Variants in LRFN2 observed in about 807,000 individuals in gnomAD.
LRFN2 encodes leucine rich repeat and fibronectin type III domain containing 2.
Under a neutral mutation model 37.3 loss-of-function variants are expected in LRFN2, and 18 were observed. That is an observed-to-expected ratio of 0.48 (90% CI 0.33 to 0.72). LRFN2 has a LOEUF of 0.72. Among genes scored for constraint, LRFN2 ranks in the 30% least tolerant of loss-of-function variants. The pLI, the probability that LRFN2 is intolerant of heterozygous loss-of-function variation, is 0.02. For missense variants in LRFN2, 1,006 were observed against 1,060.7 expected, an observed-to-expected ratio of 0.95 and a Z score of 0.72; for synonymous variants, 556 against 466.6, an observed-to-expected ratio of 1.19 and a Z score of -2.47.
intron 2 of LRFN2, among the ~76,000 whole-genome samples, chr6:40,427,323 T>C (rs1763376667): frequency 6.6e-6 from 1 of 152,262 alleles, no homozygotes; most frequent in African/African-American, 2.4e-5. Flanking sequence ...CAGTTTACAT[T>C]TCTCCCTTGT....
chr6:40,555,628 G>T (rs1446949285), intron 1 of LRFN2, among the ~76,000 whole-genome samples: 1 of 152,096 alleles, frequency 6.6e-6, no homozygotes. Flanking sequence ...CCACATCCTT[G>T]CTTGCATTCA....
chr6:40,546,599 T>C (rs992260761), intron 1 of LRFN2, among the ~76,000 whole-genome samples: 1 of 152,174 alleles, frequency 6.6e-6, no homozygotes, highest in Non-Finnish European at 1.5e-5. Context: ...TTCACTGACT[T>C]TGGAGTCCAG....
chr6:40,551,769 G>A (rs565057681), intron 1 of LRFN2, among the ~76,000 whole-genome samples: 42 of 152,314 alleles, frequency 2.8e-4, no homozygotes, highest in African/African-American at 8.4e-4. Context: ...CACAGTGATT[G>A]AAGAATTCAC....
intron 1 of LRFN2, among the ~76,000 whole-genome samples, chr6:40,560,530 T>C (rs1766972637): frequency 6.6e-6 from 1 of 152,206 alleles, no homozygotes; most frequent in Non-Finnish European, 1.5e-5. Context: ...AAATGCTGTC[T>C]GGATCAGCCA....
intron 1 of LRFN2, among the ~76,000 whole-genome samples, chr6:40,505,186 C>G (rs1218051124): frequency 6.6e-6 from 1 of 152,126 alleles, no homozygotes; most frequent in Non-Finnish European, 1.5e-5. Flanking sequence ...TGGGGTCTCC[C>G]GGGATTCTGT....
At chr6:40,466,665 T>C (rs1764475374) in intron 1 of LRFN2, among the ~76,000 whole-genome samples, 1 of 152,138 alleles carries the variant, frequency 6.6e-6, no homozygotes, top group South Asian at 2.1e-4. Context: ...CTTCCACTTC[T>C]TCATCCCTAT....
chr6:40,561,112 G>T (rs553367259), intron 1 of LRFN2, among the ~76,000 whole-genome samples: 1 of 152,338 alleles, frequency 6.6e-6, no homozygotes, highest in African/African-American at 2.4e-5. Context: ...AGACATTGCA[G>T]TTTCTAGGGC....
At chr6:40,457,262 T>A (rs956830509) in intron 1 of LRFN2, among the ~76,000 whole-genome samples, 1 of 152,122 alleles carries the variant, frequency 6.6e-6, no homozygotes, top group African/African-American at 2.4e-5. Flanking sequence ...AGGAGGGATC[T>A]TAAATATGTG....
intron 1 of LRFN2, among the ~76,000 whole-genome samples, chr6:40,559,222 T>C (rs1385818319): frequency 6.6e-6 from 1 of 152,090 alleles, no homozygotes; most frequent in Non-Finnish European, 1.5e-5. Context: ...GGTCAGCCTA[T>C]AAATGCTCCT....
Position 40,396,686 on chromosome 6 carries a change from CTGTGTGTGTGTGTGTG to C in LRFN2, c.1401-3790_1401-3775del, listed in dbSNP as rs3997706. Among the ~76,000 whole-genome samples, 359 of 135,202 alleles carry C rather than the reference CTGTGTGTGTGTGTGTG, an allele frequency of 2.7e-3. 1 individual carries two copies. The highest frequency in any genetic ancestry group is 5.2e-3 in the South Asian group (20 of 3,876). 88.7% of individuals were successfully genotyped at this position (135,202 alleles called of 152,430 possible). On this transcript the variant is annotated intron_variant, in intron 2 of 2. Coordinates refer to ENST00000338305, the MANE Select transcript of LRFN2 (RefSeq NM_020737.3). ...GAAGGCGGCTCCTGATTCCTCTGCT[CTGTGTGTGTGTGTGTG>C]TGTGTGTGTGTGTGTGTGTGTGTGT...
intron 2 of LRFN2, among the ~76,000 whole-genome samples, chr6:40,395,272 T>C (rs551738163): frequency 6.6e-6 from 1 of 152,318 alleles, no homozygotes; most frequent in East Asian, 1.9e-4. Flanking sequence ...GGACTGCTAG[T>C]ATGCAGCAGT....
At chr6:40,449,111 A>G (rs189365742) in intron 1 of LRFN2, among the ~76,000 whole-genome samples, 10 of 152,306 alleles carry the variant, frequency 6.6e-5, no homozygotes, top group Admixed American at 6.5e-4. Context: ...CATGGTGAAT[A>G]TAGTTAATAA....
In LRFN2 at chr6:40,575,319, G is replaced by A. The variant is rs527440232; in HGVS notation, c.-19+11622C>T. On this transcript the variant is annotated intron_variant, in intron 1 of 2. Transcript: ENST00000338305. ...GCTCCGAGGTGCTCCTGGGCTGCAA[G>A]CAGCTTTGCCTCTTAAACAAAGGGC... is the stretch of plus-strand genomic sequence containing the variant. 2.6e-5 allele frequency among the ~76,000 whole-genome samples: 4 copies of A among 152,320 alleles called. No homozygotes were observed. The South Asian group carries it at 8.3e-4, about 32-fold the overall frequency.
chr6:40,519,596 C>A (rs1765990348), intron 1 of LRFN2, among the ~76,000 whole-genome samples: 1 of 152,208 alleles, frequency 6.6e-6, no homozygotes, highest in Non-Finnish European at 1.5e-5. Context: ...CTGCTGGTCT[C>A]AGGGGTAAGA....
chr6:40,415,566 C>T (rs1311913164), intron 2 of LRFN2, among the ~76,000 whole-genome samples: 1 of 152,182 alleles, frequency 6.6e-6, no homozygotes. Context: ...TTCCAGGAAG[C>T]CTTCCCTGGC....
chr6:40,575,855 G>T (rs1057398873), intron 1 of LRFN2, among the ~76,000 whole-genome samples: 2 of 152,088 alleles, frequency 1.3e-5, no homozygotes, highest in African/African-American at 4.8e-5. Context: ...GTGACTTTGG[G>T]CAAGCTACTA....
chr6:40,570,716 G>A (rs1189039327), intron 1 of LRFN2, among the ~76,000 whole-genome samples: 1 of 152,214 alleles, frequency 6.6e-6, no homozygotes, highest in African/African-American at 2.4e-5. Context: ...CAATATTTAA[G>A]CTGACATCTG....
intron 1 of LRFN2, among the ~76,000 whole-genome samples, chr6:40,497,876 A>G (rs956709479): frequency 2.0e-5 from 3 of 152,166 alleles, no homozygotes; most frequent in African/African-American, 7.2e-5. Flanking sequence ...GGATTCTTAG[A>G]AGGCTAGAAA....
intron 1 of LRFN2, among the ~76,000 whole-genome samples, chr6:40,479,091 C>T (rs1764768491): frequency 6.6e-6 from 1 of 152,250 alleles, no homozygotes; most frequent in Admixed American, 6.5e-5. Context: ...ATTTGCTTCA[C>T]TTCCTTGTGC....
Sources: allele counts gnomAD v4.1 joint callset (sites outside exome capture counted in the v4.1 genomes callset), GRCh38; gene constraint gnomAD v4.1.1; transcripts MANE v1.5; gene names NCBI Gene and HGNC (gene_info 2026-07-23, HGNC 2026-07-21).